PXDNL: variants seen among roughly 807,000 people sequenced by gnomAD.
The protein encoded by PXDNL is peroxidasin like.
Under a neutral mutation model 150.8 loss-of-function variants are expected in PXDNL, and 145 were observed. That is an observed-to-expected ratio of 0.96 (90% CI 0.84 to 1.10). The LOEUF (loss-of-function observed/expected upper bound fraction) is 1.10, where lower values mean the gene tolerates loss of function less well. PXDNL is among the 50% of genes least tolerant of loss of function. PXDNL has a pLI of 0.00. For missense variants in PXDNL, 2,087 were observed against 1,873.9 expected, an observed-to-expected ratio of 1.11 and a Z score of -2.10; for synonymous variants, 757 against 725.7, an observed-to-expected ratio of 1.04 and a Z score of -0.69.
At chr8:51,759,408 T>C (rs532924463) in intron 1 of PXDNL, among the ~76,000 whole-genome samples, 2 of 152,304 alleles carry the variant, frequency 1.3e-5, no homozygotes, top group East Asian at 3.9e-4. Context: ...GCTTCCTGCA[T>C]AGGACGTCTC....
chr8:51,549,694 A>G (rs1812440685), intron 4 of PXDNL, among the ~76,000 whole-genome samples: 1 of 151,996 alleles, frequency 6.6e-6, no homozygotes, highest in Middle Eastern at 3.2e-3. Flanking sequence ...TTCTAAGAGG[A>G]AAGTTCATAG....
In PXDNL at chr8:51,457,549, C is replaced by A. The variant is rs201353036; in HGVS notation, c.931G>T (p.Ala311Ser). Residue 311 changes from alanine to serine, a missense_variant, in exon 9 of 23, where the codon GCT (alanine) becomes TCT (serine). By Grantham distance (99) the Ala-to-Ser change is moderately conservative. Coordinates refer to ENST00000356297, the MANE Select transcript of PXDNL (RefSeq NM_144651.5). Reference protein sequence around the residue: ...GVYQCMARNSAGEAKTQSAML... With the variant: ...GVYQCMARNSSGEAKTQSAML... ...GCACTCTGTGTCTTGGCTTCCCCAG[C>A]GGAATTTCTGGCCATGCACTGATAG... is the stretch of plus-strand genomic sequence containing the variant. The A allele has an allele frequency of 1.9e-6, 3 of 1,613,624 alleles. No homozygotes were observed. Among genetic ancestry groups the A allele is most frequent in the East Asian group, 2.2e-5 (1 of 44,868 alleles).
chr8:51,461,473 A>C (rs1810082126), intron 8 of PXDNL, among the ~76,000 whole-genome samples: 1 of 152,240 alleles, frequency 6.6e-6, no homozygotes, highest in African/African-American at 2.4e-5. Flanking sequence ...ACCTAGTCAA[A>C]GGAGCACAGG....
At position 51,733,703 on chromosome 8, in the gene PXDNL, G is replaced by T. The variant is rs541323657; in HGVS notation, c.164+75478C>A. Reference sequence around the variant, plus strand: ...GGCACCTGTAGTCCCAGCTGCTCAGGTGGCTGAGGCAGGAGAATCACTTGA... The same window carrying T: ...GGCACCTGTAGTCCCAGCTGCTCAGTTGGCTGAGGCAGGAGAATCACTTGA... On this transcript the variant is annotated intron_variant, in intron 1 of 22. Transcript: ENST00000356297. 3.6e-4 allele frequency among the ~76,000 whole-genome samples: 54 copies of T among 151,712 alleles called. 2 individuals carry two copies. The South Asian group carries it at 0.011, about 32-fold the overall frequency.
chr8:51,416,832 G>C (rs1376787088), intron 14 of PXDNL, among the ~76,000 whole-genome samples: 2 of 152,154 alleles, frequency 1.3e-5, no homozygotes, highest in Non-Finnish European at 2.9e-5. Flanking sequence ...ACATAAAGTT[G>C]TTCAGATTCT....
rs1586081857 is a variant in PXDNL, at chr8:51,409,040, A to G, written c.2584T>C (p.Phe862Leu). Residue 862 changes from phenylalanine to leucine, a missense_variant, in exon 17 of 23, where the codon TTC becomes CTC. Transcript: ENST00000356297. ...PRGTHAPCML[F>L]ARSSPACASG... ...GCACACGCGGGGCTGGAGCGCGCGA[A>G]GAGCATGCAGGGCGCGTGGGTGCCC... 1 of 1,610,362 alleles carries G rather than the reference A, an allele frequency of 6.2e-7. No homozygotes were observed. Among genetic ancestry groups the G allele is most frequent in the Admixed American group, 1.7e-5 (1 of 59,974 alleles).
intron 1 of PXDNL, among the ~76,000 whole-genome samples, chr8:51,779,442 G>A (rs2037388908): frequency 6.6e-6 from 1 of 152,210 alleles, no homozygotes; most frequent in Non-Finnish European, 1.5e-5. Context: ...TAAGAGTGAG[G>A]AAAGGAATCA....
chr8:51,476,667 ACTTTTTTTCATTT>A (rs1245518557), intron 6 of PXDNL, among the ~76,000 whole-genome samples: 4 of 152,210 alleles, frequency 2.6e-5, no homozygotes, highest in African/African-American at 9.7e-5. Flanking sequence ...AATGATTAAT[ACTTTTTTTCATTT>A]CTCCCAATGG....
rs116445049 is a variant in PXDNL, at chr8:51,726,800, A to C, written c.165-72040T>G. On this transcript the variant is annotated intron_variant, in intron 1 of 22. Transcript: ENST00000356297. Reference sequence around the variant, plus strand: ...TTTAAAAAAATCTAGGATTTGAAAAAAATAACCTACTATACTGAAAAGTTT... The same window carrying C: ...TTTAAAAAAATCTAGGATTTGAAAACAATAACCTACTATACTGAAAAGTTT... Among the ~76,000 whole-genome samples, 547 of 152,348 alleles carry C rather than the reference A, an allele frequency of 3.6e-3. 5 individuals are homozygous for C. Among genetic ancestry groups the C allele is most frequent in the African/African-American group, 0.012 (519 of 41,584 alleles).
intron 21 of PXDNL, among the ~76,000 whole-genome samples, chr8:51,329,227 G>A (rs1805608048): frequency 6.6e-6 from 1 of 152,210 alleles, no homozygotes; most frequent in Non-Finnish European, 1.5e-5. Context: ...TCAACAGGAT[G>A]CCAGCATAAT....
Position 51,787,408 on chromosome 8 carries a change from T to G in PXDNL, c.164+21773A>C, listed in dbSNP as rs538824670. Reference sequence around the variant, plus strand: ...AAATGCCATTAAGAACATTCGTGATTCATGAGAGAAAGTCAAAATATCAAC... The same window carrying G: ...AAATGCCATTAAGAACATTCGTGATGCATGAGAGAAAGTCAAAATATCAAC... On this transcript the variant is annotated intron_variant, in intron 1 of 22. Coordinates refer to ENST00000356297, the MANE Select transcript of PXDNL (RefSeq NM_144651.5). 1.4e-4 allele frequency among the ~76,000 whole-genome samples: 21 copies of G among 152,356 alleles called. 1 individual carries two copies. In the South Asian group the frequency reaches 4.1e-3, roughly 30 times the overall value.
At chr8:51,384,783 A>C (rs1357586230) in intron 17 of PXDNL, among the ~76,000 whole-genome samples, 3 of 152,170 alleles carry the variant, frequency 2.0e-5, no homozygotes, top group Non-Finnish European at 4.4e-5. Context: ...CTATTTATAT[A>C]AGATTTTACA....
intron 13 of PXDNL, 111 bp downstream of exon 13, chr8:51,426,535 G>T: frequency 3.3e-6 from 2 of 601,514 alleles, no homozygotes; most frequent in Non-Finnish European, 5.8e-6. Flanking sequence ...TTATTTGCTA[G>T]CAAAAGTCGC....
intron 4 of PXDNL, among the ~76,000 whole-genome samples, chr8:51,536,946 C>T (rs1188923527): frequency 6.6e-6 from 1 of 152,176 alleles, no homozygotes. Context: ...AAAGCCCAAA[C>T]CTAACGTGCT....
intron 10 of PXDNL, among the ~76,000 whole-genome samples, chr8:51,450,457 G>A (rs146290620): frequency 1.3e-5 from 2 of 152,062 alleles, no homozygotes; most frequent in East Asian, 3.8e-4. Flanking sequence ...TTAACAACTT[G>A]ACAAATCATT....
At chr8:51,592,567 A>C (rs1813467631) in intron 3 of PXDNL, 60 bp downstream of exon 3, 1 of 1,162,420 alleles carries the variant, frequency 8.6e-7, no homozygotes, top group Admixed American at 2.6e-5. Flanking sequence ...AACACACACA[A>C]AAAAGGCAAA....
In PXDNL at chr8:51,738,086, G is replaced by A. The variant is rs539307351; in HGVS notation, c.164+71095C>T. On this transcript the variant is annotated intron_variant, in intron 1 of 22. Transcript: ENST00000356297. ...ACAGACACACCAAAGTCAGTAATGT[G>A]CACCAATTGGACCCCACAGGGCTTT... 5.9e-5 allele frequency among the ~76,000 whole-genome samples: 9 copies of A among 152,336 alleles called. No individual in the cohort carries two copies. The South Asian group carries it at 1.9e-3, about 32-fold the overall frequency.
chr8:51,595,753 A>G (rs1813548987), intron 2 of PXDNL, among the ~76,000 whole-genome samples: 2 of 152,176 alleles, frequency 1.3e-5, no homozygotes, highest in African/African-American at 4.8e-5. Flanking sequence ...GCTACCCTTG[A>G]TAATCTGTCA....
rs1812770399 is a variant in PXDNL at position 51,564,305 on chromosome 8, G to T, written c.309-7394C>A. ...AGAGTCTTCCACTGGCCAAATTTGG[G>T]ACTATTTGTGGGTTAGAAAAAGGGA... On this transcript the variant is annotated intron_variant, in intron 3 of 22. Transcript: ENST00000356297. 2.0e-5 allele frequency among the ~76,000 whole-genome samples: 3 copies of T among 151,924 alleles called. 1 individual carries two copies. The South Asian group carries it at 6.2e-4, about 31-fold the overall frequency.
Sources: allele counts gnomAD v4.1 joint callset (sites outside exome capture counted in the v4.1 genomes callset), GRCh38; gene constraint gnomAD v4.1.1; transcripts MANE v1.5; gene names NCBI Gene and HGNC (gene_info 2026-07-23, HGNC 2026-07-21).